Variants in MID1 observed in about 807,000 individuals in gnomAD.
MID1 encodes E3 ubiquitin-protein ligase Midline-1.
MID1 carries 7 observed loss-of-function variants against 40.4 expected under a neutral mutation model. The ratio of observed to expected loss-of-function variants is 0.17; its 90% CI spans 0.10 to 0.33. The LOEUF (loss-of-function observed/expected upper bound fraction) is 0.33, where lower values mean the gene tolerates loss of function less well. Ranked by LOEUF, MID1 falls within the 10% of genes least tolerant of loss-of-function variation. The pLI is 1.00. For missense variants in MID1, 367 were observed against 558.5 expected, an observed-to-expected ratio of 0.66 and a Z score of 3.46; for synonymous variants, 229 against 221.2, an observed-to-expected ratio of 1.04 and a Z score of -0.31.
intron 1 of MID1, among the ~76,000 whole-genome samples, chrX:10,634,200 A>G (rs1936084305): frequency 8.9e-6 from 1 of 111,989 alleles, no homozygotes; most frequent in South Asian, 3.7e-4. Context: ...TGCTAAGAAA[A>G]AAAATGATAG....
At chrX:10,472,145 G>A (rs1929743118) in intron 6 of MID1, among the ~76,000 whole-genome samples, 1 of 112,268 alleles carries the variant, frequency 8.9e-6, no homozygotes, top group African/African-American at 3.2e-5. Flanking sequence ...CCCAAGGAAT[G>A]GTGGGCTAAT....
chrX:10,533,314 AGAAAGAAAGAAAG>A (rs1246394947), intron 2 of MID1, among the ~76,000 whole-genome samples: 15 of 86,266 alleles, frequency 1.7e-4, no homozygotes, highest in Middle Eastern at 0.011. Flanking sequence ...AATCCAAGAA[AGAAAGAAAGAAAG>A]GAAAGAAAGA....
intron 1 of MID1, among the ~76,000 whole-genome samples, chrX:10,759,492 C>T (rs1180262192): frequency 9.0e-6 from 1 of 111,078 alleles, no homozygotes; most frequent in East Asian, 2.8e-4. Flanking sequence ...AGATAATCTT[C>T]CTTCCTTCCC....
At chrX:10,758,953 AG>A (rs2043656096) in intron 1 of MID1, among the ~76,000 whole-genome samples, 1 of 112,269 alleles carries the variant, frequency 8.9e-6, no homozygotes, top group Non-Finnish European at 1.9e-5. Flanking sequence ...ATCTGAACAC[AG>A]TTTATTGCTT....
At chrX:10,705,860 C>A in intron 1 of MID1, among the ~76,000 whole-genome samples, 1 of 112,431 alleles carries the variant, frequency 8.9e-6, no homozygotes, top group Non-Finnish European at 1.9e-5. Flanking sequence ...TCCACTTATT[C>A]ATTGAGCAAA....
intron 4 of MID1, among the ~76,000 whole-genome samples, chrX:10,488,233 C>G (rs1042483453): frequency 7.2e-5 from 8 of 111,144 alleles, no homozygotes; most frequent in Non-Finnish European, 1.5e-4. Flanking sequence ...ATCCACCTGC[C>G]TCGGCCTCCC....
chrX:10,636,785 G>GATATAT lies in MID1; in HGVS notation c.-186-16372_-186-16367dup, dbSNP rs60188235. On this transcript the variant is annotated intron_variant, in intron 1 of 10. Coordinates refer to the MID1 transcript ENST00000380785. ...CAAACTGGGCCATTCCAACAATGGG[G>GATATAT]ATATATATATATATATATATATATA... Among the ~76,000 whole-genome samples the GATATAT allele has an allele frequency of 6.4e-3, 274 of 42,678 alleles. 14 individuals carry two copies. The highest frequency in any genetic ancestry group is 0.013 in the East Asian group (26 of 2,003). 37.1% of individuals were successfully genotyped at this position (42,678 alleles called of 115,157 possible).
rs201407794 is a variant in MID1, at chrX:10,567,448, C to T, written c.100G>A (p.Ala34Thr). ...PCAHSLCFNC[A>T]HRILVSHCAT... ...CAGTGTGATACTAGGATGCGGTGGG[C>T]GCAGTTGAAGCAGAGGCTGTGTGCG... The change falls in exon 2 of 10, where the codon GCC (alanine) becomes ACC (threonine). Residue 34 changes from alanine (A) to threonine (T), a missense_variant. Transcript: ENST00000317552. 193 of 1,209,369 alleles carry T rather than the reference C, an allele frequency of 1.6e-4. No individual in the cohort carries two copies. The highest frequency in any genetic ancestry group is 2.1e-4 in the Non-Finnish European group (185 of 895,013).
intron 6 of MID1, among the ~76,000 whole-genome samples, chrX:10,470,780 G>T (rs2147281977): frequency 8.9e-6 from 1 of 112,216 alleles, no homozygotes; most frequent in African/African-American, 3.2e-5. Context: ...AGTTTAAAAT[G>T]ACTTCTACTG....
intron 1 of MID1, among the ~76,000 whole-genome samples, chrX:10,762,183 A>G (rs150053691): frequency 0.036 from 4,094 of 112,281 alleles, 194 homozygotes; most frequent in African/African-American, 0.13. Flanking sequence ...TGTGAGAGAA[A>G]GTCTATTAAT....
chrX:10,558,526 C>T (rs758318944), intron 2 of MID1, among the ~76,000 whole-genome samples: 2 of 113,124 alleles, frequency 1.8e-5, no homozygotes, highest in South Asian at 3.6e-4. Flanking sequence ...AACTACAAAA[C>T]ACATTAAAGC....
intron 2 of MID1, among the ~76,000 whole-genome samples, chrX:10,557,884 G>A (rs773932083): frequency 9.0e-6 from 1 of 111,266 alleles, no homozygotes; most frequent in African/African-American, 3.3e-5. Flanking sequence ...CTGTTGACAG[G>A]GTGGTGGTTT....
At chrX:10,555,565 T>A (rs913328579) in intron 2 of MID1, among the ~76,000 whole-genome samples, 6 of 111,381 alleles carry the variant, frequency 5.4e-5, no homozygotes, top group Non-Finnish European at 3.8e-5. Context: ...CAGAATTTAC[T>A]CAGTGTTTAT....
chrX:10,646,863 C>T (rs959571162), intron 1 of MID1, among the ~76,000 whole-genome samples: 3 of 111,740 alleles, frequency 2.7e-5, no homozygotes, highest in African/African-American at 9.8e-5. Flanking sequence ...TTTGACCTAA[C>T]CATTTTTCCA....
chrX:10,644,941 T>C (rs1182689833), intron 1 of MID1, among the ~76,000 whole-genome samples: 1 of 112,423 alleles, frequency 8.9e-6, no homozygotes, highest in Non-Finnish European at 1.9e-5. Flanking sequence ...ATTTGCTGCT[T>C]TGTCATTGCC....
At chrX:10,814,838 C>T (rs2147155015) in intron 1 of MID1, among the ~76,000 whole-genome samples, 1 of 111,808 alleles carries the variant, frequency 8.9e-6, no homozygotes, top group African/African-American at 3.2e-5. Flanking sequence ...TCAGAATATT[C>T]CCCTGGAGAT....
chrX:10,554,277 A>G (rs1345603453), intron 2 of MID1, among the ~76,000 whole-genome samples: 2 of 112,269 alleles, frequency 1.8e-5, no homozygotes, highest in Non-Finnish European at 3.8e-5. Context: ...CAAACTGTCA[A>G]TCTGGAGATT....
chrX:10,817,024 G>T (rs1004210404), intron 1 of MID1, among the ~76,000 whole-genome samples: 2 of 111,966 alleles, frequency 1.8e-5, no homozygotes, highest in Admixed American at 9.5e-5. Context: ...ATTCAGGTAG[G>T]ATATTTCAAG....
At position 10,523,134 on chromosome X, in the gene MID1, C is replaced by G; in HGVS notation, c.714G>C (p.Glu238Asp). The change falls in exon 3 of 10, where the codon GAG becomes GAC. Residue 238 changes from glutamate (E) to aspartate (D), a missense_variant. Around this residue, in one of 3 missense-constraint regions of MID1, gnomAD observed 275 missense variants for 383.1 expected, o/e 0.72. Transcript: ENST00000317552. Reference protein sequence around the residue: ...TNLIKRNTELETLLAKLIQTC... With the variant: ...TNLIKRNTELDTLLAKLIQTC... ...TTTGGATGAGTTTAGCCAAAAGGGT[C>G]TCCAGTTCTGTGTTCCTCTTAATAA... 8.3e-7 allele frequency: 1 copy of G among 1,203,736 alleles called. No individual in the cohort carries two copies. The highest frequency in any genetic ancestry group is 1.1e-6 in the Non-Finnish European group (1 of 891,785).
Sources: allele counts gnomAD v4.1 joint callset (sites outside exome capture counted in the v4.1 genomes callset), GRCh38; gene constraint gnomAD v4.1.1; regional missense constraint gnomAD v4.1.1; transcripts MANE v1.5; gene names NCBI Gene and HGNC (gene_info 2026-07-23, HGNC 2026-07-21).